The following FGF12 variants were observed in gnomAD, a reference collection of about 807,000 sequenced individuals.
FGF12 encodes fibroblast growth factor 12B.
In FGF12, 14 loss-of-function variants were observed where a neutral mutation model predicts 23.6. The observed-to-expected ratio is 0.59, with a 90% CI of 0.39 to 0.93. The LOEUF is 0.93. FGF12 is among the 40% of genes least tolerant of loss of function. The pLI, the probability that FGF12 is intolerant of heterozygous loss-of-function variation, is 0.00. For synonymous variants in FGF12, 62 were observed against 77.3 expected, an observed-to-expected ratio of 0.80 and a Z score of 1.04; for missense variants, 175 against 217.8, an observed-to-expected ratio of 0.80 and a Z score of 1.24.
chr3:192,337,058 T>C (rs1200340469), intron 3 of FGF12, among the ~76,000 whole-genome samples: 1 of 152,194 alleles, frequency 6.6e-6, no homozygotes, highest in Non-Finnish European at 1.5e-5. Context: ...CTTGCTATAT[T>C]CTTACCAGTG....
chr3:192,412,234 G>A (rs1721221177), intron 2 of FGF12, among the ~76,000 whole-genome samples: 1 of 152,324 alleles, frequency 6.6e-6, no homozygotes, highest in South Asian at 2.1e-4. Flanking sequence ...CCTGGAAAGA[G>A]GATGTGTATT....
intron 2 of FGF12, among the ~76,000 whole-genome samples, chr3:192,588,182 GA>G (rs1389039627): frequency 2.7e-5 from 4 of 147,850 alleles, no homozygotes; most frequent in Admixed American, 6.7e-5. Context: ...CGTCTCTACT[GA>G]AAAAAAAATA....
chr3:192,177,922 T>G (rs1715948440), intron 4 of FGF12, among the ~76,000 whole-genome samples: 1 of 152,234 alleles, frequency 6.6e-6, no homozygotes, highest in Non-Finnish European at 1.5e-5. Context: ...TGACCCTTTC[T>G]GGCATTATAA....
chr3:192,234,087 T>C (rs1011370419), intron 4 of FGF12, among the ~76,000 whole-genome samples: 13 of 152,178 alleles, frequency 8.5e-5, no homozygotes, highest in Non-Finnish European at 1.8e-4. Context: ...TTTTTTCTAA[T>C]GCTGTGAAAA....
chr3:192,358,372 T>C (rs889284650), intron 3 of FGF12, among the ~76,000 whole-genome samples: 2 of 152,188 alleles, frequency 1.3e-5, no homozygotes, highest in Admixed American at 6.5e-5. Context: ...AAATTTATCT[T>C]AATAAAATAT....
chr3:192,705,589 C>G (rs571020784), intron 2 of FGF12, among the ~76,000 whole-genome samples: 1 of 152,194 alleles, frequency 6.6e-6, no homozygotes. Context: ...TGTGGCACTC[C>G]CAAAACAATT....
intron 4 of FGF12, among the ~76,000 whole-genome samples, chr3:192,205,038 G>A (rs1717576884): frequency 6.6e-6 from 1 of 152,030 alleles, no homozygotes; most frequent in Non-Finnish European, 1.5e-5. Flanking sequence ...CCTAAGTTTG[G>A]ACTGCTCATT....
intron 2 of FGF12, among the ~76,000 whole-genome samples, chr3:192,588,218 C>T (rs997887806): frequency 2.7e-5 from 4 of 150,766 alleles, no homozygotes; most frequent in African/African-American, 7.3e-5. Flanking sequence ...GGTGTGGTGG[C>T]GGGCTCCTGT....
chr3:192,546,301 G>A (rs1160209774), intron 2 of FGF12, among the ~76,000 whole-genome samples: 4 of 152,008 alleles, frequency 2.6e-5, no homozygotes, highest in Non-Finnish European at 4.4e-5. Flanking sequence ...CTTACAATAG[G>A]CACTAAACAA....
intron 4 of FGF12, among the ~76,000 whole-genome samples, chr3:192,199,062 G>A (rs1433831715): frequency 1.3e-5 from 2 of 152,202 alleles, no homozygotes; most frequent in African/African-American, 4.8e-5. Context: ...CCGTTTCAAG[G>A]AAGATATGTG....
At chr3:192,705,605 A>G (rs1046812154) in intron 2 of FGF12, among the ~76,000 whole-genome samples, 1 of 152,242 alleles carries the variant, frequency 6.6e-6, no homozygotes, top group Non-Finnish European at 1.5e-5. Flanking sequence ...CAATTACAAT[A>G]ATAGCATCAA....
chr3:192,438,538 G>A (rs959805813), intron 2 of FGF12, among the ~76,000 whole-genome samples: 19 of 152,150 alleles, frequency 1.2e-4, no homozygotes, highest in African/African-American at 4.3e-4. Flanking sequence ...CCTGCTCTTC[G>A]TATTTCCTGG....
intron 3 of FGF12, among the ~76,000 whole-genome samples, chr3:192,345,090 T>TTTTGA: frequency 1.3e-5 from 2 of 152,206 alleles, no homozygotes; most frequent in Non-Finnish European, 2.9e-5. Flanking sequence ...AAAAACTATG[T>TTTTGA]TGCCAAAATC....
At chr3:192,440,185 T>C (rs962244763) in intron 2 of FGF12, among the ~76,000 whole-genome samples, 1 of 152,080 alleles carries the variant, frequency 6.6e-6, no homozygotes, top group African/African-American at 2.4e-5. Flanking sequence ...AAAAAAATGG[T>C]CTTTGTAGAC....
At chr3:192,273,653 C>G (rs1450744065) in intron 4 of FGF12, among the ~76,000 whole-genome samples, 1 of 152,122 alleles carries the variant, frequency 6.6e-6, no homozygotes, top group Admixed American at 6.6e-5. Flanking sequence ...ATGGTACACC[C>G]TCAGTAAATA....
intron 2 of FGF12, among the ~76,000 whole-genome samples, chr3:192,694,591 A>T (rs1249832746): frequency 2.0e-5 from 3 of 151,980 alleles, no homozygotes; most frequent in African/African-American, 7.2e-5. Flanking sequence ...ATATACGTAC[A>T]TATATACATA....
intron 4 of FGF12, among the ~76,000 whole-genome samples, chr3:192,224,719 A>G (rs1718644715): frequency 6.6e-6 from 1 of 152,142 alleles, no homozygotes; most frequent in South Asian, 2.1e-4. Flanking sequence ...TAGTTAGAAT[A>G]AAAGGAAAGA....
intron 4 of FGF12, among the ~76,000 whole-genome samples, chr3:192,201,405 A>G (rs1343904529): frequency 6.6e-6 from 1 of 152,236 alleles, no homozygotes; most frequent in African/African-American, 2.4e-5. Context: ...CACCTACTCT[A>G]CAGGTCTTTA....
intron 5 of FGF12, among the ~76,000 whole-genome samples, chr3:192,158,548 C>CT (rs1255279319): frequency 7.5e-6 from 1 of 133,628 alleles, no homozygotes; most frequent in East Asian, 2.1e-4. Context: ...CCCGCCCTCC[C>CT]TCTCTCCCTC....
Sources: gnomAD v4.1 joint callset for allele counts (sites outside exome capture counted in the v4.1 genomes callset) on GRCh38, gnomAD v4.1.1 for gene constraint, MANE v1.5 for transcripts, NCBI Gene and HGNC (gene_info 2026-07-23, HGNC 2026-07-21) for gene names.